NAALADL2: variants seen among roughly 807,000 people sequenced by gnomAD.
NAALADL2 encodes the protein inactive N-acetylated-alpha-linked acidic dipeptidase-like protein 2.
A neutral mutation model predicts 87.2 loss-of-function variants in NAALADL2; 76 were observed. The observed-to-expected ratio is 0.87, with a 90% CI of 0.72 to 1.05. NAALADL2 has a LOEUF of 1.05. NAALADL2 is among the 50% of genes least tolerant of loss of function. The pLI is 0.00. For synonymous variants in NAALADL2, 354 were observed against 331.0 expected (o/e 1.07, Z -0.75); for missense variants, 1,089 against 945.8 (o/e 1.15, Z -1.99).
intron 2 of NAALADL2, among the ~76,000 whole-genome samples, chr3:175,156,400 T>C (rs1273655464): frequency 6.6e-6 from 1 of 152,150 alleles, no homozygotes; most frequent in Admixed American, 6.6e-5. Flanking sequence ...AGATGAAATA[T>C]GTGATTAGTG....
chr3:174,848,943 T>A (rs1017399767), intron 3 of NAALADL2, among the ~76,000 whole-genome samples: 7 of 152,194 alleles, frequency 4.6e-5, no homozygotes, highest in South Asian at 4.1e-4. Flanking sequence ...GTAGAGCATA[T>A]TACTATACTG....
chr3:175,225,687 T>G (rs532040238), intron 2 of NAALADL2, among the ~76,000 whole-genome samples: 1 of 152,152 alleles, frequency 6.6e-6, no homozygotes, highest in Non-Finnish European at 1.5e-5. Flanking sequence ...ATTCACTTAC[T>G]TGAAAAAAAT....
intron 8 of NAALADL2, among the ~76,000 whole-genome samples, chr3:175,467,389 C>G (rs1038464494): frequency 6.6e-6 from 1 of 152,082 alleles, no homozygotes. Context: ...ATATCTTACC[C>G]CTATTGTTAC....
chr3:175,440,140 G>A (rs142139967), intron 5 of NAALADL2, among the ~76,000 whole-genome samples: 290 of 152,200 alleles, frequency 1.9e-3, no homozygotes, highest in African/African-American at 6.8e-3. Context: ...TGTTGAATAC[G>A]GTGCCCTTCC....
chr3:174,655,903 C>G (rs1356477922), intron 2 of NAALADL2, among the ~76,000 whole-genome samples: 1 of 152,088 alleles, frequency 6.6e-6, no homozygotes, highest in African/African-American at 2.4e-5. Flanking sequence ...GTGTTAAAAT[C>G]TTTAGGATTC....
chr3:174,901,975 G>A (rs1700830643), intron 1 of NAALADL2, among the ~76,000 whole-genome samples: 2 of 152,114 alleles, frequency 1.3e-5, no homozygotes, highest in East Asian at 1.9e-4. Context: ...TATCTGAGAA[G>A]AGAATGATGC....
At chr3:174,801,898 G>A (rs1718876896) in intron 3 of NAALADL2, among the ~76,000 whole-genome samples, 1 of 151,902 alleles carries the variant, frequency 6.6e-6, no homozygotes, top group African/African-American at 2.4e-5. Flanking sequence ...TGACATCTCT[G>A]ATGTTACTAA....
At chr3:175,318,105 AC>A (rs1304547950) in intron 4 of NAALADL2, among the ~76,000 whole-genome samples, 1 of 152,142 alleles carries the variant, frequency 6.6e-6, no homozygotes, top group Non-Finnish European at 1.5e-5. Flanking sequence ...TCGTTAAATA[AC>A]ATGTATGCCT....
rs1739784697 is a variant in NAALADL2 at position 175,706,753 on chromosome 3, C to T, written c.1897-30553C>T. Among the ~76,000 whole-genome samples the T allele has an allele frequency of 1.3e-5, 2 of 152,088 alleles. 1 individual carries two copies. Among genetic ancestry groups the T allele is most frequent in the South Asian group, 4.1e-4 (2 of 4,832 alleles). On this transcript the variant is annotated intron_variant, in intron 11 of 13. Transcript: ENST00000454872. ...CTCAAGCTCCTGGCCTAGAAAACGT[C>T]AAGGTTTGAGAGACTGCTCACCATC...
chr3:175,622,017 T>G (rs760329438), intron 10 of NAALADL2, among the ~76,000 whole-genome samples: 41 of 152,324 alleles, frequency 2.7e-4, no homozygotes, highest in Non-Finnish European at 2.5e-4. Context: ...TACCACATAC[T>G]AAAATTTTAA....
intron 6 of NAALADL2, among the ~76,000 whole-genome samples, chr3:175,460,423 T>C (rs530688005): frequency 6.6e-6 from 1 of 152,290 alleles, no homozygotes; most frequent in Admixed American, 6.5e-5. Flanking sequence ...CTTTGCCTAG[T>C]GATACATAAG....
intron 1 of NAALADL2, among the ~76,000 whole-genome samples, chr3:174,936,308 T>C (rs1737675714): frequency 6.6e-6 from 1 of 152,104 alleles, no homozygotes. Context: ...TACTTTGTAC[T>C]CTACATGTAC....
At chr3:174,572,917 A>G (rs1207506185) in intron 2 of NAALADL2, among the ~76,000 whole-genome samples, 2 of 152,346 alleles carry the variant, frequency 1.3e-5, no homozygotes, top group East Asian at 1.9e-4. Context: ...AGGTAATGGT[A>G]TGATCCTAAT....
At position 174,948,473 on chromosome 3, in the gene NAALADL2, G is replaced by A. The variant is rs1739818321; in HGVS notation, c.43+89023G>A. On this transcript the variant is annotated intron_variant, in intron 1 of 13. Coordinates refer to ENST00000454872, the MANE Select transcript of NAALADL2 (RefSeq NM_207015.3). The stretch of plus-strand genomic sequence containing the variant: ...ATTACAGGCGTGAGCCACCACGCCT[G>A]GCAAGAATTTATTTTTTTATGAATG... Among the ~76,000 whole-genome samples, 5 of 151,972 alleles carry A rather than the reference G, an allele frequency of 3.3e-5. No individual in the cohort carries two copies. In the South Asian group the frequency reaches 1.0e-3, roughly 31 times the overall value.
chr3:174,524,269 T>C (rs1047563273), intron 1 of NAALADL2, among the ~76,000 whole-genome samples: 1 of 152,148 alleles, frequency 6.6e-6, no homozygotes, highest in Non-Finnish European at 1.5e-5. Flanking sequence ...AAGGCTCACA[T>C]AGAAAATAAT....
At chr3:174,864,077 G>C in intron 1 of NAALADL2, 1 of 455,442 alleles carries the variant, frequency 2.2e-6, no homozygotes. Flanking sequence ...AAATGTCAAG[G>C]CATGAAATCC....
At chr3:175,687,172 A>C (rs565595174) in intron 11 of NAALADL2, among the ~76,000 whole-genome samples, 10 of 152,338 alleles carry the variant, frequency 6.6e-5, no homozygotes, top group African/African-American at 2.4e-4. Context: ...ATAACAAATT[A>C]TCTGATATAA....
intron 1 of NAALADL2, among the ~76,000 whole-genome samples, chr3:174,518,248 G>C (rs980489945): frequency 1.3e-5 from 2 of 152,094 alleles, no homozygotes; most frequent in African/African-American, 2.4e-5. Flanking sequence ...TTAAAATACT[G>C]TCTGGACCAA....
chr3:174,632,933 C>CAAAA (rs56809226), intron 2 of NAALADL2, among the ~76,000 whole-genome samples: 2 of 63,772 alleles, frequency 3.1e-5, no homozygotes, highest in African/African-American at 5.4e-5. Flanking sequence ...GACTCTGTCT[C>CAAAA]AAAAAAAAAA....
Sources: gnomAD v4.1 joint callset for allele counts (sites outside exome capture counted in the v4.1 genomes callset) on GRCh38, gnomAD v4.1.1 for gene constraint, MANE v1.5 for transcripts, NCBI Gene and HGNC (gene_info 2026-07-23, HGNC 2026-07-21) for gene names.